Variants in FSTL5 observed in about 807,000 individuals in gnomAD.
The protein encoded by FSTL5 is follistatin-related protein 5.
In FSTL5, 62 loss-of-function variants were observed where a neutral mutation model predicts 89.1. The observed-to-expected ratio is 0.70, with a 90% CI of 0.57 to 0.86. FSTL5 has a LOEUF of 0.86. FSTL5 is among the 40% of genes least tolerant of loss of function. The pLI, the probability that FSTL5 is intolerant of heterozygous loss-of-function variation, is 0.00. For missense variants in FSTL5, 1,057 were observed against 1,001.6 expected, an observed-to-expected ratio of 1.06 and a Z score of -0.75; for synonymous variants, 383 against 346.2, an observed-to-expected ratio of 1.11 and a Z score of -1.18.
At chr4:161,950,096 T>C (rs935847360) in intron 3 of FSTL5, among the ~76,000 whole-genome samples, 2 of 152,154 alleles carry the variant, frequency 1.3e-5, no homozygotes, top group Non-Finnish European at 2.9e-5. Context: ...TCTGAGTCAA[T>C]ACATCTGTTT....
rs112451397 is a variant in FSTL5 at position 161,599,335 on chromosome 4, T to C, written c.895-11760A>G. Among the ~76,000 whole-genome samples, 142 of 152,294 alleles carry C rather than the reference T, an allele frequency of 9.3e-4. 2 individuals carry two copies. The highest frequency in any genetic ancestry group is 3.3e-3 in the African/African-American group (138 of 41,574). On this transcript the variant is annotated intron_variant, in intron 7 of 15. Coordinates refer to ENST00000306100, the MANE Select transcript of FSTL5 (RefSeq NM_020116.5). ...ACATGTAGCACAATGAAAAGTCTCA[T>C]AAACTCAGTGAAATTGTAAATTGGC...
chr4:161,964,913 C>T (rs1233683625), intron 3 of FSTL5, among the ~76,000 whole-genome samples: 1 of 151,988 alleles, frequency 6.6e-6, no homozygotes, highest in Non-Finnish European at 1.5e-5. Flanking sequence ...ATTTATAACA[C>T]ATTAGACTCT....
rs192939493 is a variant in FSTL5, at chr4:161,675,779, A to T, written c.728-19285T>A. Reference sequence around the variant, plus strand: ...TGGAACCATAATATAATTTATGCTAATGAGACGCTATCTGATAGAAATTTT... The same window carrying T: ...TGGAACCATAATATAATTTATGCTATTGAGACGCTATCTGATAGAAATTTT... On this transcript the variant is annotated intron_variant, in intron 6 of 15. Coordinates refer to ENST00000306100, the MANE Select transcript of FSTL5 (RefSeq NM_020116.5). 4.4e-3 allele frequency among the ~76,000 whole-genome samples: 668 copies of T among 152,096 alleles called. 7 individuals carry two copies. The highest frequency in any genetic ancestry group is 0.015 in the African/African-American group (638 of 41,528).
intron 7 of FSTL5, among the ~76,000 whole-genome samples, chr4:161,597,887 AAG>A (rs1444231719): frequency 6.6e-6 from 1 of 152,184 alleles, no homozygotes; most frequent in African/African-American, 2.4e-5. Flanking sequence ...CAATAGCTAT[AAG>A]AGATCACAAA....
chr4:162,113,192 G>A lies in FSTL5; in HGVS notation c.-16-1780C>T, dbSNP rs1015327129. 4.6e-5 allele frequency among the ~76,000 whole-genome samples: 7 copies of A among 151,992 alleles called. No homozygotes were observed. In the East Asian group the frequency reaches 7.7e-4, roughly 17 times the overall value. ...CCTTCATGTTTCAAAAACAGCCCTC[G>A]TAGTATGCACACCTTCACATAACAC... On this transcript the variant is annotated intron_variant, in intron 1 of 15. Coordinates refer to ENST00000306100, the MANE Select transcript of FSTL5 (RefSeq NM_020116.5).
intron 8 of FSTL5, among the ~76,000 whole-genome samples, chr4:161,574,344 C>CTT (rs200138310): frequency 2.2e-5 from 3 of 137,248 alleles, no homozygotes; most frequent in Admixed American, 7.3e-5. Context: ...TTTTTTTTTT[C>CTT]TTTTTTTTTT....
At chr4:161,606,780 A>AT (rs1315848125) in intron 7 of FSTL5, among the ~76,000 whole-genome samples, 2 of 152,152 alleles carry the variant, frequency 1.3e-5, no homozygotes, top group Non-Finnish European at 2.9e-5. Context: ...TCTGGAGACC[A>AT]TTTTTCTTCA....
chr4:162,064,134 G>A lies in FSTL5; in HGVS notation c.127-30476C>T, dbSNP rs113975637. 2.9e-3 allele frequency among the ~76,000 whole-genome samples: 447 copies of A among 151,786 alleles called. 4 individuals carry two copies. Among genetic ancestry groups the A allele is most frequent in the African/African-American group, 9.9e-3 (412 of 41,414 alleles). On this transcript the variant is annotated intron_variant, in intron 2 of 15. Transcript: ENST00000306100. ...TGGTCTCCCCGAATAAATTTCTTCA[G>A]CAGTTTCTACTATGCTTGTATGCAT...
rs548125333 is a variant in FSTL5, at chr4:161,779,876, T to G, written c.410-3802A>C. ...CCCTAGGCAATATCACTGTTTATAT[T>G]ACAGAAGGAGAAAGAACACACACAC... On this transcript the variant is annotated intron_variant, in intron 4 of 15. Transcript: ENST00000306100. Among the ~76,000 whole-genome samples, 6 of 138,412 alleles carry G rather than the reference T, an allele frequency of 4.3e-5. No homozygotes were observed. The East Asian group carries it at 1.3e-3, about 29-fold the overall frequency. 90.8% of individuals were successfully genotyped at this position (138,412 alleles called of 152,430 possible). A position where few individuals can be genotyped will look rare whatever the true frequency, so the allele number is the denominator to read the frequency against.
intron 4 of FSTL5, among the ~76,000 whole-genome samples, chr4:161,858,373 A>G (rs894264393): frequency 6.6e-6 from 1 of 152,124 alleles, no homozygotes; most frequent in Admixed American, 6.5e-5. Context: ...AAGGTCCTTG[A>G]CTTACTTGTA....
intron 7 of FSTL5, among the ~76,000 whole-genome samples, chr4:161,633,220 T>C (rs1735558744): frequency 6.6e-6 from 1 of 151,146 alleles, no homozygotes; most frequent in Non-Finnish European, 1.5e-5. Flanking sequence ...CTTAATTTTA[T>C]TACTAAATTA....
chr4:161,995,564 G>T (rs937335478), intron 3 of FSTL5, among the ~76,000 whole-genome samples: 3 of 151,988 alleles, frequency 2.0e-5, no homozygotes, highest in Non-Finnish European at 2.9e-5. Flanking sequence ...ACGGACCAGG[G>T]TTATTCATTT....
chr4:161,998,775 G>T (rs1401684046), intron 3 of FSTL5, among the ~76,000 whole-genome samples: 1 of 151,832 alleles, frequency 6.6e-6, no homozygotes, highest in African/African-American at 2.4e-5. Context: ...GATGTCTCCT[G>T]CTATACAAAA....
chr4:162,064,926 A>G (rs1481345694), intron 2 of FSTL5, among the ~76,000 whole-genome samples: 1 of 151,994 alleles, frequency 6.6e-6, no homozygotes, highest in Non-Finnish European at 1.5e-5. Context: ...AATAAACACA[A>G]TAGAGATCCC....
At chr4:161,493,071 G>T (rs1402265900) in intron 12 of FSTL5, among the ~76,000 whole-genome samples, 1 of 151,830 alleles carries the variant, frequency 6.6e-6, no homozygotes, top group Non-Finnish European at 1.5e-5. Context: ...GAGAACTATT[G>T]TTGAAATATC....
At chr4:161,918,422 G>A (rs983633338) in intron 4 of FSTL5, among the ~76,000 whole-genome samples, 2 of 152,034 alleles carry the variant, frequency 1.3e-5, no homozygotes, top group African/African-American at 4.8e-5. Context: ...TACACATGAT[G>A]AGAAAGTATT....
intron 7 of FSTL5, among the ~76,000 whole-genome samples, chr4:161,608,102 A>G (rs944306206): frequency 1.3e-5 from 2 of 152,124 alleles, no homozygotes; most frequent in African/African-American, 2.4e-5. Flanking sequence ...AATATGCCCA[A>G]TGGGAATTAA....
intron 8 of FSTL5, among the ~76,000 whole-genome samples, chr4:161,565,594 C>T (rs888929864): frequency 4.0e-5 from 6 of 151,728 alleles, no homozygotes; most frequent in Non-Finnish European, 8.8e-5. Context: ...CAAAAGCTTG[C>T]TGTTTGCCCG....
intron 2 of FSTL5, chr4:162,042,126 G>A (rs1737986675): frequency 6.6e-6 from 1 of 151,494 alleles, no homozygotes; most frequent in Non-Finnish European, 1.5e-5. Context: ...TTCCAGCCTG[G>A]GCAATAAGAG....
Sources: allele counts gnomAD v4.1 joint callset (sites outside exome capture counted in the v4.1 genomes callset), GRCh38; gene constraint gnomAD v4.1.1; transcripts MANE v1.5; gene names NCBI Gene and HGNC (gene_info 2026-07-23, HGNC 2026-07-21).